ANO4: variants seen among roughly 807,000 people sequenced by gnomAD.
The protein encoded by ANO4 is anoctamin 4, also known as anoctamin-4.
ANO4 carries 69 observed loss-of-function variants against 141.9 expected under a neutral mutation model. That is an observed-to-expected ratio of 0.49 (90% CI 0.40 to 0.59). The LOEUF is 0.59. Ranked by LOEUF, ANO4 falls within the 20% of genes least tolerant of loss-of-function variation. The pLI, the probability that ANO4 is intolerant of heterozygous loss-of-function variation, is 0.00. For synonymous variants in ANO4, 350 were observed against 394.3 expected (o/e 0.89, Z 1.33); for missense variants, 894 against 1,162.2 (o/e 0.77, Z 3.36).
chr12:101,001,855 C>A (rs2045657783), intron 8 of ANO4, among the ~76,000 whole-genome samples: 1 of 152,112 alleles, frequency 6.6e-6, no homozygotes, highest in South Asian at 2.1e-4. Context: ...ATTCAAATAA[C>A]CACTAATTCA....
chr12:101,060,074 G>A (rs769708045), intron 14 of ANO4, among the ~76,000 whole-genome samples: 5 of 152,180 alleles, frequency 3.3e-5, no homozygotes, highest in East Asian at 1.9e-4. Context: ...ATTCTGGTAC[G>A]TTGTGCCTTT....
At chr12:101,110,337 A>T (rs1489238194) in intron 22 of ANO4, 67 bp from the exon 23 acceptor site, 2 of 1,471,030 alleles carry the variant, frequency 1.4e-6, no homozygotes, top group African/African-American at 2.8e-5. Context: ...TATTCAGATT[A>T]TGATCCCTTT....
intron 1 of ANO4, among the ~76,000 whole-genome samples, chr12:100,815,866 A>G (rs2035709298): frequency 6.6e-6 from 1 of 152,082 alleles, no homozygotes; most frequent in African/African-American, 2.4e-5. Context: ...ACTATAAATA[A>G]CTTAAAAATT....
chr12:101,052,221 A>G (rs1311244786), intron 14 of ANO4, among the ~76,000 whole-genome samples: 1 of 152,132 alleles, frequency 6.6e-6, no homozygotes, highest in Non-Finnish European at 1.5e-5. Flanking sequence ...ACCTTTGTTC[A>G]GGTCACGTCT....
At chr12:100,904,681 C>T (rs1361072949) in intron 2 of ANO4, among the ~76,000 whole-genome samples, 1 of 152,078 alleles carries the variant, frequency 6.6e-6, no homozygotes, top group Non-Finnish European at 1.5e-5. Context: ...CGGGCAGGAC[C>T]TTATAGGCCA....
chr12:100,922,465 GT>G (rs2041674677), intron 3 of ANO4, 135 bp downstream of exon 3: 1 of 599,010 alleles, frequency 1.7e-6, no homozygotes. Context: ...AAGAGATACT[GT>G]GCAAAATAAT....
chr12:100,851,981 G>T (rs942959285), intron 1 of ANO4, among the ~76,000 whole-genome samples: 5 of 152,124 alleles, frequency 3.3e-5, no homozygotes. Context: ...AGAATAGGCC[G>T]GGGGCAGGAG....
At chr12:100,718,999 G>A (rs761888650) in intron 1 of ANO4, among the ~76,000 whole-genome samples, 2 of 152,130 alleles carry the variant, frequency 1.3e-5, no homozygotes, top group African/African-American at 4.8e-5. Context: ...AGTTCTGTAC[G>A]TTTCTAGAAG....
chr12:100,844,496 A>C (rs2037455781), intron 1 of ANO4, among the ~76,000 whole-genome samples: 1 of 152,006 alleles, frequency 6.6e-6, no homozygotes, highest in Non-Finnish European at 1.5e-5. Flanking sequence ...GGTGGATTGG[A>C]TGAGAGTTGG....
At chr12:100,978,583 A>G (rs2044307866) in intron 7 of ANO4, among the ~76,000 whole-genome samples, 1 of 152,224 alleles carries the variant, frequency 6.6e-6, no homozygotes, top group Non-Finnish European at 1.5e-5. Flanking sequence ...AAAATAAGCT[A>G]TAATCTCTAT....
At chr12:101,103,452 C>T (rs554080106) in intron 22 of ANO4, among the ~76,000 whole-genome samples, 1 of 151,284 alleles carries the variant, frequency 6.6e-6, no homozygotes, top group South Asian at 2.1e-4. Flanking sequence ...ACTAGTATTA[C>T]ATTATATCAT....
chr12:101,016,564 A>G (rs1019530584), intron 8 of ANO4, among the ~76,000 whole-genome samples: 8 of 152,196 alleles, frequency 5.3e-5, no homozygotes, highest in African/African-American at 1.2e-4. Flanking sequence ...TCAGCCACCA[A>G]CATTAGCTAG....
chr12:100,923,058 G>A (rs2041698345), intron 3 of ANO4, among the ~76,000 whole-genome samples: 1 of 152,014 alleles, frequency 6.6e-6, no homozygotes, highest in Admixed American at 6.6e-5. Flanking sequence ...GGATTTGAGG[G>A]ATTTTGATGT....
At chr12:101,082,294 C>T (rs2049315324) in intron 15 of ANO4, among the ~76,000 whole-genome samples, 1 of 152,206 alleles carries the variant, frequency 6.6e-6, no homozygotes, top group African/African-American at 2.4e-5. Flanking sequence ...CCTCCTTCAC[C>T]TTCCACCATG....
At chr12:100,753,980 C>T (rs1016030704) in intron 3 of ANO4, among the ~76,000 whole-genome samples, 1 of 152,180 alleles carries the variant, frequency 6.6e-6, no homozygotes, top group African/African-American at 2.4e-5. Context: ...CATCTTTAAC[C>T]AACCACTCAT....
chr12:101,050,441 A>T (rs1212717477), intron 14 of ANO4, among the ~76,000 whole-genome samples: 2 of 152,152 alleles, frequency 1.3e-5, no homozygotes, highest in Non-Finnish European at 2.9e-5. Flanking sequence ...ACCCTAACAG[A>T]ATTTTGATTA....
chr12:100,998,422 ATTAG>A (rs1239527300), intron 8 of ANO4, among the ~76,000 whole-genome samples: 2 of 125,928 alleles, frequency 1.6e-5, no homozygotes, highest in Non-Finnish European at 3.4e-5. Flanking sequence ...TATCCATCCT[ATTAG>A]TTCTGTCCCT....
intron 2 of ANO4, among the ~76,000 whole-genome samples, chr12:100,918,565 A>C (rs2041457003): frequency 6.6e-6 from 1 of 152,188 alleles, no homozygotes; most frequent in Non-Finnish European, 1.5e-5. Flanking sequence ...TAAGATTATA[A>C]TGGAGCTGAA....
chr12:100,888,878 T>TTA (rs2039968510), intron 1 of ANO4, among the ~76,000 whole-genome samples: 1 of 150,940 alleles, frequency 6.6e-6, no homozygotes, highest in African/African-American at 2.4e-5. Context: ...GTCTCTTATT[T>TTA]TTATTATTAT....
Sources: allele counts gnomAD v4.1 joint callset (sites outside exome capture counted in the v4.1 genomes callset), GRCh38; gene constraint gnomAD v4.1.1; transcripts MANE v1.5; gene names NCBI Gene and HGNC (gene_info 2026-07-23, HGNC 2026-07-21).